ASB14: variants seen among roughly 807,000 people sequenced by gnomAD.
ASB14 encodes the protein ankyrin repeat and SOCS box protein 14.
Under a neutral mutation model 55.6 loss-of-function variants are expected in ASB14, and 63 were observed. The ratio of observed to expected loss-of-function variants is 1.13; its 90% CI spans 0.92 to 1.40. The LOEUF (loss-of-function observed/expected upper bound fraction) is 1.40, where lower values mean the gene tolerates loss of function less well. ASB14 is among the 40% of genes most tolerant of loss of function. The probability of loss-of-function intolerance (pLI) is 0.00; values close to 1 mark genes in which losing one functional copy is unlikely to be tolerated. For missense variants in ASB14, 724 were observed against 710.4 expected (o/e 1.02, Z -0.22); for synonymous variants, 256 against 259.9 (o/e 0.98, Z 0.15).
chr3:57,287,969 G>A lies in ASB14; in HGVS notation c.401C>T (p.Thr134Ile). Residue 134 changes from threonine to isoleucine, a missense_variant, in exon 5 of 11, where the codon ACT becomes ATT. Coordinates refer to ENST00000487349, the MANE Select transcript of ASB14 (RefSeq NM_001142733.3). ...AVSSCLLENATFLLLNGCNPN... is the reference protein window; with the variant it reads ...AVSSCLLENAIFLLLNGCNPN... ...ATTGCAGCCATTGAGAAGAAGAAAAGTGGCATTTTCTAAGAGGCAACTGCT... is the reference window on the plus strand; with the variant it reads ...ATTGCAGCCATTGAGAAGAAGAAAAATGGCATTTTCTAAGAGGCAACTGCT... 1.3e-6 allele frequency: 2 copies of A among 1,537,302 alleles called. No homozygotes were observed. The highest frequency in any genetic ancestry group is 1.7e-6 in the Non-Finnish European group (2 of 1,146,914).
At chr3:57,275,257 G>C (rs2060976925) in intron 10 of ASB14, among the ~76,000 whole-genome samples, 2 of 152,054 alleles carry the variant, frequency 1.3e-5, no homozygotes, top group South Asian at 2.1e-4. Flanking sequence ...TTCAAGACCA[G>C]CCTGGCCAAC....
intron 7 of ASB14, 61 bp downstream of exon 7, chr3:57,280,241 C>A: frequency 1.8e-6 from 2 of 1,104,132 alleles, no homozygotes; most frequent in South Asian, 2.0e-5. Flanking sequence ...CTAGAAGCAG[C>A]ACAAAATAAA....
rs1017781963 is a variant in ASB14, at chr3:57,268,658, T to C, written c.*983A>G. 3 of 597,226 alleles carry C rather than the reference T, an allele frequency of 5.0e-6. No individual in the cohort carries two copies. The highest frequency in any genetic ancestry group is 3.7e-5 in the African/African-American group (2 of 53,996). 37.0% of individuals were successfully genotyped at this position (597,226 alleles called of 1,614,324 possible). A position where few individuals can be genotyped will look rare whatever the true frequency, so the allele number is the denominator to read the frequency against. On this transcript the variant is annotated 3_prime_UTR_variant, in exon 11 of 11. Coordinates refer to ENST00000487349, the MANE Select transcript of ASB14 (RefSeq NM_001142733.3). ...AAAGGGTCACATCTGTTTTTTGATA[T>C]GATGTTTACATTATAGTTACGTTGA...
At chr3:57,286,286 C>A (rs1260295854) in intron 5 of ASB14, among the ~76,000 whole-genome samples, 1 of 145,148 alleles carries the variant, frequency 6.9e-6, no homozygotes, top group African/African-American at 2.5e-5. Context: ...TTTTTTTTTT[C>A]AGCTTTTTAT....
At chr3:57,291,616 A>G (rs2061130818) in intron 2 of ASB14, among the ~76,000 whole-genome samples, 1 of 151,868 alleles carries the variant, frequency 6.6e-6, no homozygotes, top group East Asian at 2.0e-4. Flanking sequence ...GACAAGATGT[A>G]TTAGTTTTTC....
At chr3:57,291,828 C>G in intron 2 of ASB14, 84 bp downstream of exon 2, 1 of 1,231,024 alleles carries the variant, frequency 8.1e-7, no homozygotes. Context: ...CTGTTTTTGT[C>G]ACAACACTAG....
rs757479184 is a variant in ASB14, at chr3:57,268,429, TAG to T, written c.*1210_*1211del. The T allele has an allele frequency of 1.9e-6, 3 of 1,600,246 alleles. No individual in the cohort carries two copies. Among genetic ancestry groups the T allele is most frequent in the Non-Finnish European group, 1.7e-6 (2 of 1,172,142 alleles). On this transcript the variant is annotated 3_prime_UTR_variant, in exon 11 of 11. Transcript: ENST00000487349. Reference sequence around the variant, plus strand: ...AGGGCATCAGAAAAACAAAAAGAAATAGAGAGAGTAAAAGAGAAGCAACAGAA... The same window carrying T: ...AGGGCATCAGAAAAACAAAAAGAAATAGAGAGTAAAAGAGAAGCAACAGAA...
rs138493152 is a variant in ASB14, at chr3:57,280,163, C to CAAAAAA, written c.887+133_887+138dup. On this transcript the variant is annotated intron_variant, in intron 7 of 10. Coordinates refer to ENST00000487349, the MANE Select transcript of ASB14 (RefSeq NM_001142733.3). Reference sequence around the variant, plus strand: ...CTGGCGACAGAGGGAGACAGCATCTCAAAAAAAAAAAAAAAAAAAAAAAGT... The same window carrying CAAAAAA: ...CTGGCGACAGAGGGAGACAGCATCTCAAAAAAAAAAAAAAAAAAAAAAAAAAAAAGT... 6.8e-4 allele frequency: 147 copies of CAAAAAA among 215,762 alleles called. 1 individual carries two copies. The highest frequency in any genetic ancestry group is 2.0e-3 in the South Asian group (19 of 9,562). 13.4% of individuals were successfully genotyped at this position (215,762 alleles called of 1,614,324 possible).
In ASB14 at chr3:57,278,396, G is replaced by A. The variant is rs753449996; in HGVS notation, c.1412C>T (p.Thr471Ile). ...PSYTVEGWTS[T>I]VIKDTKFCEV... ...ACTTACCTTAGTATCTTTGATAACT[G>A]TAGATGTCCAGCCTTCAACAGTATA... Residue 471 changes from threonine (T) to isoleucine (I), a missense_variant, in exon 8 of 11, where the codon ACA (threonine) becomes ATA (isoleucine). By Grantham distance (89) the Thr-to-Ile change is moderately conservative. Coordinates refer to ENST00000487349, the MANE Select transcript of ASB14 (RefSeq NM_001142733.3). 2 of 1,613,770 alleles carry A rather than the reference G, an allele frequency of 1.2e-6. No individual in the cohort carries two copies. The highest frequency in any genetic ancestry group is 8.5e-7 in the Non-Finnish European group (1 of 1,179,684).
intron 5 of ASB14, among the ~76,000 whole-genome samples, chr3:57,286,915 TTTC>T (rs2061085241): frequency 1.3e-5 from 2 of 152,224 alleles, no homozygotes; most frequent in South Asian, 4.1e-4. Context: ...CATTTCTTAT[TTTC>T]TTCTTCTGGA....
At chr3:57,286,423 CT>C (rs967363981) in intron 5 of ASB14, among the ~76,000 whole-genome samples, 1 of 142,946 alleles carries the variant, frequency 7.0e-6, no homozygotes, top group African/African-American at 2.5e-5. Context: ...TTTTAAAGAA[CT>C]TTTTGTTACA....
Position 57,291,916 on chromosome 3 carries a change from C to A in ASB14, c.118G>T (p.Glu40Ter). 1 of 1,533,378 alleles carries A rather than the reference C, an allele frequency of 6.5e-7. No individual in the cohort carries two copies. The highest frequency in any genetic ancestry group is 1.2e-5 in the South Asian group (1 of 83,840). 95.0% of individuals were successfully genotyped at this position (1,533,378 alleles called of 1,614,324 possible). Residue 40 changes from glutamate to a stop codon, truncating the protein, a stop_gained, in exon 2 of 11, where the codon GAG becomes TAG. Transcript: ENST00000487349. LOFTEE classifies it high-confidence loss of function. Reference protein sequence around the residue: ...PGTAQHAPKDESLHSFLSADY... With the variant: ...PGTAQHAPKD ...TGCCGATGAGAAAACCATTACCTCT[C>A]ATCCTTAGGTGCATGTTGTGCTGTT...
Position 57,278,408 on chromosome 3 carries a change from C to T in ASB14, c.1400G>A (p.Gly467Asp), listed in dbSNP as rs1367925301. Reference protein sequence around the residue: ...DKVHPSYTVEGWTSTVIKDTK... With the variant: ...DKVHPSYTVEDWTSTVIKDTK... The stretch of plus-strand genomic sequence containing the variant: ...ATCTTTGATAACTGTAGATGTCCAG[C>T]CTTCAACAGTATAGGAAGGATGGAC... Residue 467 changes from glycine to aspartate, a missense_variant, in exon 8 of 11, where the codon GGC (glycine) becomes GAC (aspartate). Transcript: ENST00000487349. 9.9e-6 allele frequency: 16 copies of T among 1,614,000 alleles called. No individual in the cohort carries two copies. The highest frequency in any genetic ancestry group is 1.3e-5 in the Non-Finnish European group (15 of 1,179,924).
chr3:57,278,824 C>G lies in ASB14; in HGVS notation c.984G>C (p.Gln328His). Residue 328 changes from glutamine to histidine, a missense_variant, in exon 8 of 11, where the codon CAG becomes CAC. Transcript: ENST00000487349. ...CAGCCTGGATGAGGAGTTCCAGGCA[C>G]TGAGGATGTGCTCCTGCTGCTGCAC... is the stretch of plus-strand genomic sequence containing the variant. ...VHCAAAGAHPQCLELLIQAGF... is the reference protein window; with the variant it reads ...VHCAAAGAHPHCLELLIQAGF... 1 of 1,613,590 alleles carries G rather than the reference C, an allele frequency of 6.2e-7. No homozygotes were observed.
intron 10 of ASB14, 40 bp from the exon 11 acceptor site, chr3:57,269,658 G>A: frequency 6.2e-7 from 1 of 1,614,026 alleles, no homozygotes; most frequent in South Asian, 1.1e-5. Context: ...TTTGGGAGAA[G>A]GAGGAAAGAA....
In ASB14 at chr3:57,278,346, T is replaced by C. The variant is rs757615907; in HGVS notation, c.1431+31A>G. 2.6e-6 allele frequency: 4 copies of C among 1,564,860 alleles called. No homozygotes were observed. In the East Asian group the frequency reaches 9.0e-5, roughly 35 times the overall value. ...GTTCCAGGGCCACAAATAATGACTGTAAGGGAATACAGCCAATACTGTGGA... is the reference window on the plus strand; with the variant it reads ...GTTCCAGGGCCACAAATAATGACTGCAAGGGAATACAGCCAATACTGTGGA... On this transcript the variant is annotated intron_variant, in intron 8 of 10. Transcript: ENST00000487349.
At chr3:57,280,216 AAGATTAT>A in intron 7 of ASB14, 79 bp downstream of exon 7, 1 of 817,772 alleles carries the variant, frequency 1.2e-6, no homozygotes, top group Non-Finnish European at 1.8e-6. Context: ...TCAGTGATTA[AAGATTAT>A]AAAGTTCCTA....
chr3:57,279,095 T>G (rs1184018058), intron 7 of ASB14, 175 bp from the exon 8 acceptor site: 16 of 624,130 alleles, frequency 2.6e-5, no homozygotes, highest in Non-Finnish European at 4.1e-5. Flanking sequence ...CCAAGTAAAA[T>G]TGAATGGAAT....
At chr3:57,286,806 G>A (rs1420674885) in intron 5 of ASB14, among the ~76,000 whole-genome samples, 1 of 152,040 alleles carries the variant, frequency 6.6e-6, no homozygotes, top group Non-Finnish European at 1.5e-5. Context: ...TATTGCATTG[G>A]CCATATACCA....
Sources: gnomAD v4.1 joint callset for allele counts (sites outside exome capture counted in the v4.1 genomes callset) on GRCh38, gnomAD v4.1.1 for gene constraint, MANE v1.5 for transcripts, NCBI Gene and HGNC (gene_info 2026-07-23, HGNC 2026-07-21) for gene names.